HIVEP3: variants seen among roughly 807,000 people sequenced by gnomAD.
HIVEP3 encodes HIVEP zinc finger 3.
A neutral mutation model predicts 152.8 loss-of-function variants in HIVEP3; 49 were observed. The ratio of observed to expected loss-of-function variants is 0.32; its 90% CI spans 0.26 to 0.41. The LOEUF (loss-of-function observed/expected upper bound fraction) is 0.41, where lower values mean the gene tolerates loss of function less well. Ranked by LOEUF, HIVEP3 falls within the 10% of genes least tolerant of loss-of-function variation. The pLI, the probability that HIVEP3 is intolerant of heterozygous loss-of-function variation, is 1.00. For missense variants in HIVEP3, 2,790 were observed against 3,103.3 expected, an observed-to-expected ratio of 0.90 and a Z score of 2.40; for synonymous variants, 1,269 against 1,289.0, an observed-to-expected ratio of 0.98 and a Z score of 0.33.
chr1:41,835,196 T>G (rs1311623823), intron 1 of HIVEP3, among the ~76,000 whole-genome samples: 1 of 152,226 alleles, frequency 6.6e-6, no homozygotes, highest in African/African-American at 2.4e-5. Flanking sequence ...CTTAGCCTAC[T>G]AGGACTGTCA....
chr1:41,787,316 C>T (rs1257839127), intron 1 of HIVEP3, among the ~76,000 whole-genome samples: 1 of 152,122 alleles, frequency 6.6e-6, no homozygotes, highest in Non-Finnish European at 1.5e-5. Context: ...ACATATTCCT[C>T]ACTGCTTTAG....
chr1:41,615,397 C>T (rs1366696149), intron 3 of HIVEP3, among the ~76,000 whole-genome samples: 1 of 152,228 alleles, frequency 6.6e-6, no homozygotes, highest in African/African-American at 2.4e-5. Flanking sequence ...GAACCCTCAG[C>T]CTGGCTTCCC....
intron 5 of HIVEP3, among the ~76,000 whole-genome samples, chr1:41,540,601 C>T (rs1643506073): frequency 6.6e-6 from 1 of 152,180 alleles, no homozygotes; most frequent in Admixed American, 6.5e-5. Flanking sequence ...ATCTGTTCCC[C>T]ACCAGTTAAG....
intron 2 of HIVEP3, among the ~76,000 whole-genome samples, chr1:41,641,330 C>G (rs557707404): frequency 6.6e-6 from 1 of 152,212 alleles, no homozygotes; most frequent in Non-Finnish European, 1.5e-5. Flanking sequence ...TCTGCCCACA[C>G]GACAGCTGCC....
intron 1 of HIVEP3, among the ~76,000 whole-genome samples, chr1:41,974,017 G>A (rs1309849909): frequency 6.6e-6 from 1 of 152,132 alleles, no homozygotes; most frequent in African/African-American, 2.4e-5. Context: ...GAAAACTAGT[G>A]TCTTCAAAGA....
intron 1 of HIVEP3, among the ~76,000 whole-genome samples, chr1:41,943,854 T>A (rs1035776204): frequency 2.6e-5 from 4 of 152,146 alleles, no homozygotes; most frequent in Non-Finnish European, 5.9e-5. Flanking sequence ...ACAGAAAAAA[T>A]AATTGAAGCA....
chr1:41,634,683 T>C (rs1235417156), intron 2 of HIVEP3, among the ~76,000 whole-genome samples: 2 of 151,796 alleles, frequency 1.3e-5, no homozygotes, highest in Non-Finnish European at 2.9e-5. Context: ...GTAACGAAAA[T>C]AATGCGAGAA....
At chr1:41,544,711 CTA>C (rs1643633891) in intron 5 of HIVEP3, among the ~76,000 whole-genome samples, 2 of 146,224 alleles carry the variant, frequency 1.4e-5, no homozygotes, top group Admixed American at 6.8e-5. Flanking sequence ...ACCACCACCA[CTA>C]CCACCTGTAC....
chr1:41,565,774 A>AC (rs913382964), intron 5 of HIVEP3, among the ~76,000 whole-genome samples: 2 of 151,236 alleles, frequency 1.3e-5, no homozygotes, highest in Non-Finnish European at 2.9e-5. Context: ...GCTGCCCGAG[A>AC]CCCCCCTACC....
chr1:41,921,534 A>G (rs1644941902), upstream of HIVEP3, among the ~76,000 whole-genome samples: 1 of 152,206 alleles, frequency 6.6e-6, no homozygotes, highest in Admixed American at 6.5e-5. Context: ...TTCTCCAGCC[A>G]TGTGGAACTG....
chr1:41,618,329 C>T (rs938320758), intron 3 of HIVEP3, among the ~76,000 whole-genome samples: 1 of 152,234 alleles, frequency 6.6e-6, no homozygotes, highest in Non-Finnish European at 1.5e-5. Context: ...AGGAGCCAAG[C>T]CTTGTTCCTT....
At chr1:41,866,573 C>A (rs1643979172) in intron 1 of HIVEP3, among the ~76,000 whole-genome samples, 1 of 152,192 alleles carries the variant, frequency 6.6e-6, no homozygotes, top group African/African-American at 2.4e-5. Context: ...TTGCCAGGAG[C>A]AGAAGGTCAG....
chr1:41,883,365 C>T (rs2124429680), intron 1 of HIVEP3, among the ~76,000 whole-genome samples: 1 of 152,224 alleles, frequency 6.6e-6, no homozygotes, highest in South Asian at 2.1e-4. Context: ...GCTAGATTGC[C>T]CTTCCCCTAG....
intron 1 of HIVEP3, among the ~76,000 whole-genome samples, chr1:41,944,051 T>C (rs1238839798): frequency 6.6e-6 from 1 of 152,206 alleles, no homozygotes; most frequent in Non-Finnish European, 1.5e-5. Context: ...TCCACTTATA[T>C]GAGGTACTTA....
intron 2 of HIVEP3, among the ~76,000 whole-genome samples, chr1:41,629,828 G>C (rs12562828): frequency 0.094 from 14,377 of 152,218 alleles, 1,304 homozygotes; most frequent in East Asian, 0.47. Flanking sequence ...CGGTTGGCAG[G>C]AATGTAAGGT....
chr1:41,775,668 T>C lies in HIVEP3; in HGVS notation c.-800-74673A>G, dbSNP rs139655034. ...ACCATGCCTGGCTAATTTTTTATTT[T>C]TAGTAGAGATGGGGTTTCACCATGT... On this transcript the variant is annotated intron_variant, in intron 1 of 8. Coordinates refer to ENST00000372583, the MANE Select transcript of HIVEP3 (RefSeq NM_024503.5). Among the ~76,000 whole-genome samples the C allele has an allele frequency of 7.6e-3, 1,164 of 152,194 alleles. 12 individuals are homozygous for C. Among genetic ancestry groups the C allele is most frequent in the Middle Eastern group, 0.024 (7 of 294 alleles).
intron 2 of HIVEP3, among the ~76,000 whole-genome samples, chr1:41,682,133 G>A (rs933004963): frequency 2.6e-5 from 4 of 152,106 alleles, no homozygotes; most frequent in Non-Finnish European, 5.9e-5. Context: ...TACGCACACA[G>A]GGACACGCAG....
At chr1:41,807,396 T>A (rs937160899) in intron 1 of HIVEP3, among the ~76,000 whole-genome samples, 1 of 152,082 alleles carries the variant, frequency 6.6e-6, no homozygotes, top group African/African-American at 2.4e-5. Context: ...GAAACCAGCA[T>A]ACTTCACCTG....
At chr1:41,826,992 C>T (rs1326551725) in intron 1 of HIVEP3, among the ~76,000 whole-genome samples, 1 of 152,162 alleles carries the variant, frequency 6.6e-6, no homozygotes, top group Admixed American at 6.5e-5. Flanking sequence ...TCCCATGGAG[C>T]CCACATTCAT....
Sources: gnomAD v4.1 joint callset for allele counts (sites outside exome capture counted in the v4.1 genomes callset) on GRCh38, gnomAD v4.1.1 for gene constraint, MANE v1.5 for transcripts, NCBI Gene and HGNC (gene_info 2026-07-23, HGNC 2026-07-21) for gene names.